Variants in FGFRL1 observed in about 807,000 individuals in gnomAD.
The protein encoded by FGFRL1 is fibroblast growth factor receptor like 1, also known as fibroblast growth factor receptor-like 1.
A neutral mutation model predicts 36.8 loss-of-function variants in FGFRL1; 24 were observed. The observed-to-expected ratio is 0.65, with a 90% confidence interval of 0.47 to 0.92. The LOEUF is 0.92. Ranked by LOEUF, FGFRL1 falls within the 40% of genes least tolerant of loss-of-function variation. FGFRL1 has a pLI of 0.00. For synonymous variants in FGFRL1, 422 were observed against 344.1 expected (o/e 1.23, Z -2.50); for missense variants, 785 against 753.4 (o/e 1.04, Z -0.49).
chr4:1,025,342 T>C lies in FGFRL1; in HGVS notation c.1510T>C (p.Cys504Arg), dbSNP rs1457624223. Residue 504 changes from cysteine to arginine, a missense_variant, in exon 7 of 7, where the codon TGC becomes CGC. Transcript: ENST00000510644. Reference sequence around the variant, plus strand: ...GGTCCACCAGCACATCCACTATCAGTGCTAGACGGCACCGTATCTGCAGTG... The same window carrying C: ...GGTCCACCAGCACATCCACTATCAGCGCTAGACGGCACCGTATCTGCAGTG... ...GKVHQHIHYQ[C>R] The C allele has an allele frequency of 2.6e-6, 4 of 1,546,274 alleles. No homozygotes were observed. The Admixed American group carries it at 5.9e-5, about 23-fold the overall frequency.
chr4:1,023,015 C>CT lies in FGFRL1; in HGVS notation c.352+552dup, dbSNP rs576348147. Among the ~76,000 whole-genome samples, 18,685 of 146,504 alleles carry CT rather than the reference C, an allele frequency of 0.13. 1,246 individuals carry two copies. The highest frequency in any genetic ancestry group is 0.21 in the Middle Eastern group (61 of 286). Reference sequence around the variant, plus strand: ...TCCTGGGAGCTGGGCTGGCCCGTTTCTTTTTTTTTTTTAATTCTACTTTAA... The same window carrying CT: ...TCCTGGGAGCTGGGCTGGCCCGTTTCTTTTTTTTTTTTTAATTCTACTTTAA... On this transcript the variant is annotated intron_variant, in intron 3 of 6. Coordinates refer to ENST00000510644, the MANE Select transcript of FGFRL1 (RefSeq NM_001004356.3). The surrounding 1 kb of genome is among the most constrained non-coding windows in gnomAD (Gnocchi z 6.0).
At chr4:1,020,544 C>T (rs1250142233) in intron 2 of FGFRL1, among the ~76,000 whole-genome samples, 5 of 149,474 alleles carry the variant, frequency 3.3e-5, no homozygotes, top group Non-Finnish European at 5.9e-5. Context: ...GCACTGCCCA[C>T]TGGGGCTGGT....
At chr4:1,018,737 T>C (rs1175035092) in intron 2 of FGFRL1, among the ~76,000 whole-genome samples, 1 of 152,178 alleles carries the variant, frequency 6.6e-6, no homozygotes, top group Non-Finnish European at 1.5e-5. Context: ...CCCCATAGGC[T>C]GCGTGGGTTG....
At chr4:1,024,129 C>T (rs752969422) in intron 5 of FGFRL1, 28 bp downstream of exon 5, 26 of 712,034 alleles carry the variant, frequency 3.7e-5, no homozygotes, top group East Asian at 2.0e-4. Flanking sequence ...CGCTGGCGGG[C>T]GGGGGGTGCT....
rs187572457 is a variant in FGFRL1, at chr4:1,026,121, C to G, written c.*774C>G. 34 of 155,356 alleles carry G rather than the reference C, an allele frequency of 2.2e-4. No homozygotes were observed. Among genetic ancestry groups the G allele is most frequent in the African/African-American group, 8.2e-4 (34 of 41,234 alleles). The allele number at this position is 155,356 out of a possible 1,614,324, so 9.6% of individuals were successfully genotyped here. ...CTGGACACACACACAGATAATGCTG[C>G]CTCAACACTCACACACGTGCAGATA... On this transcript the variant is annotated 3_prime_UTR_variant, in exon 7 of 7. Coordinates refer to ENST00000510644, the MANE Select transcript of FGFRL1 (RefSeq NM_001004356.3).
chr4:1,012,706 T>C (rs1465246274), intron 2 of FGFRL1, 142 bp downstream of exon 2: 20 of 418,254 alleles, frequency 4.8e-5, no homozygotes, highest in Non-Finnish European at 7.9e-5. Context: ...CCCCCTTCCT[T>C]CCAGGGCCCC....
chr4:1,025,461 G>C lies in FGFRL1; in HGVS notation c.*114G>C, dbSNP rs1716468122. ...GACCCATGGCGAGGAGGAATGGCCA[G>C]CACCCCAGGCAGTCTGTGTGTGAGG... On this transcript the variant is annotated 3_prime_UTR_variant, in exon 7 of 7. Coordinates refer to ENST00000510644, the MANE Select transcript of FGFRL1 (RefSeq NM_001004356.3). 3.1e-6 allele frequency: 4 copies of C among 1,285,338 alleles called. No homozygotes were observed. The highest frequency in any genetic ancestry group is 4.3e-6 in the Non-Finnish European group (4 of 936,528). 79.6% of individuals were successfully genotyped at this position (1,285,338 alleles called of 1,614,324 possible).
In FGFRL1 at chr4:1,024,513, C is replaced by T; in HGVS notation, c.921C>T (p.Pro307=). The part of the protein sequence containing the change: ...DVGGQKFVVL[P]TGDVWSRPDG... The stretch of plus-strand genomic sequence containing the variant: ...GCGGCCAGAAGTTTGTGGTGCTGCC[C>T]ACGGGTGACGTGTGGTCGCGGCCCG... Residue 307 remains proline, a synonymous_variant, in exon 6 of 7, where the codon CCC becomes CCT. Coordinates refer to ENST00000510644, the MANE Select transcript of FGFRL1 (RefSeq NM_001004356.3). 6.2e-7 allele frequency: 1 copy of T among 1,612,518 alleles called. No individual in the cohort carries two copies. Among genetic ancestry groups the T allele is most frequent in the Non-Finnish European group, 8.5e-7 (1 of 1,179,864 alleles).
rs148556821 is a variant in FGFRL1, at chr4:1,024,047, C to T, written c.664C>T (p.Arg222Cys). ...GGAGGACAGCGGCAAATACACCTGC[C>T]GCGTGTCGAACCGCGCGGGCGCCAT... ...RPEDSGKYTC[R>C]VSNRAGAINA... The change falls in exon 5 of 7, where the codon CGC becomes TGC. Residue 222 changes from arginine (R) to cysteine (C), a missense_variant. By Grantham distance (180) the Arg-to-Cys change is radical. Coordinates refer to ENST00000510644, the MANE Select transcript of FGFRL1 (RefSeq NM_001004356.3). 80 of 1,606,948 alleles carry T rather than the reference C, an allele frequency of 5.0e-5. No individual in the cohort carries two copies. Among genetic ancestry groups the T allele is most frequent in the Admixed American group, 1.2e-4 (7 of 59,814 alleles).
At chr4:1,013,314 C>A (rs1265535559) in intron 2 of FGFRL1, among the ~76,000 whole-genome samples, 1 of 152,360 alleles carries the variant, frequency 6.6e-6, no homozygotes, top group East Asian at 1.9e-4. Flanking sequence ...CCGGGCACAG[C>A]GCTGGCTGCC....
chr4:1,010,633 GTGTGAGGCGGGA>G (rs1004133172), upstream of FGFRL1, among the ~76,000 whole-genome samples: 1 of 152,208 alleles, frequency 6.6e-6, no homozygotes, highest in African/African-American at 2.4e-5. Flanking sequence ...GGAGTCGAGG[GTGTGAGGCGGGA>G]TGTGGGCAGG....
At chr4:1,024,842 G>T in intron 6 of FGFRL1, 63 bp from the exon 7 acceptor site, 2 of 1,507,598 alleles carry the variant, frequency 1.3e-6, no homozygotes, top group East Asian at 4.6e-5. Flanking sequence ...ATGGGTCTGG[G>T]GTGCTCTCCT....
At chr4:1,012,833 C>T (rs1302664003) in intron 2 of FGFRL1, among the ~76,000 whole-genome samples, 4 of 152,252 alleles carry the variant, frequency 2.6e-5, no homozygotes, top group Non-Finnish European at 4.4e-5. Flanking sequence ...AGGACATGCT[C>T]CTGGTCTTGC....
chr4:1,017,380 G>C (rs1406818388), intron 2 of FGFRL1, among the ~76,000 whole-genome samples: 1 of 152,146 alleles, frequency 6.6e-6, no homozygotes, highest in Non-Finnish European at 1.5e-5. Context: ...GCTCCTCAGC[G>C]GTCAGCTCCA....
chr4:1,025,109 G>A lies in FGFRL1; in HGVS notation c.1277G>A (p.Arg426His), dbSNP rs751318362. The change falls in exon 7 of 7, where the codon CGC (arginine) becomes CAC (histidine). Residue 426 changes from arginine (R) to histidine (H), a missense_variant. Transcript: ENST00000510644. ...CGCCCGCCGGGGACGGCCCGCGACCGCAGCGGAGACAAGGACCTTCCCTCG... is the reference window on the plus strand; with the variant it reads ...CGCCCGCCGGGGACGGCCCGCGACCACAGCGGAGACAAGGACCTTCCCTCG... ...GHRPPGTARD[R>H]SGDKDLPSLA... 1.1e-5 allele frequency: 18 copies of A among 1,610,850 alleles called. 1 individual carries two copies. Among genetic ancestry groups the A allele is most frequent in the South Asian group, 3.3e-5 (3 of 90,878 alleles).
chr4:1,016,092 C>T (rs551397420), intron 2 of FGFRL1, among the ~76,000 whole-genome samples: 1 of 152,194 alleles, frequency 6.6e-6, no homozygotes, highest in Non-Finnish European at 1.5e-5. Context: ...GAGCAAGGGC[C>T]CCTGACCTGG....
At chr4:1,021,770 C>T (rs868770408) in intron 2 of FGFRL1, among the ~76,000 whole-genome samples, 1 of 152,164 alleles carries the variant, frequency 6.6e-6, no homozygotes, top group African/African-American at 2.4e-5. Flanking sequence ...CCCTACTGCC[C>T]TTGTCCTTGG....
At chr4:1,014,012 G>T (rs1715748762) in intron 2 of FGFRL1, among the ~76,000 whole-genome samples, 3 of 152,372 alleles carry the variant, frequency 2.0e-5, no homozygotes, top group African/African-American at 7.2e-5. Context: ...TGGGGAGGAG[G>T]TTCTTCCGGA....
At chr4:1,024,201 A>C in intron 5 of FGFRL1, 100 bp downstream of exon 5, 2 of 374,060 alleles carry the variant, frequency 5.3e-6, no homozygotes, top group East Asian at 5.4e-5. Flanking sequence ...GGGCGGGGGC[A>C]CTGGCAGGGC....
Sources: allele counts gnomAD v4.1 joint callset (sites outside exome capture counted in the v4.1 genomes callset), GRCh38; gene constraint gnomAD v4.1.1; non-coding constraint Gnocchi (gnomAD v3.1); transcripts MANE v1.5; gene names NCBI Gene and HGNC (gene_info 2026-07-23, HGNC 2026-07-21).